PDZD9: variants seen among roughly 807,000 people sequenced by gnomAD.
PDZD9 encodes PDZ domain-containing protein 9.
A neutral mutation model predicts 16.3 loss-of-function variants in PDZD9; 13 were observed. The ratio of observed to expected loss-of-function variants is 0.80; its 90% confidence interval spans 0.52 to 1.27. The LOEUF is 1.27. Ranked by LOEUF, PDZD9 falls within the 50% of genes most tolerant of loss-of-function variation. The probability of loss-of-function intolerance (pLI) is 0.00; values close to 1 mark genes in which losing one functional copy is unlikely to be tolerated. For synonymous variants in PDZD9, 120 were observed against 111.0 expected (o/e 1.08, Z -0.51); for missense variants, 288 against 310.9 (o/e 0.93, Z 0.55).
At chr16:21,996,639 TA>T in intron 1 of PDZD9, 138 bp from the exon 2 acceptor site, 1 of 901,168 alleles carries the variant, frequency 1.1e-6, no homozygotes, top group Non-Finnish European at 1.6e-6. Context: ...AAAATGAGGA[TA>T]AAAATGTTCA....
chr16:21,962,732 C>T, the PDZD9 span: 1 of 1,613,632 alleles, frequency 6.2e-7, no homozygotes, highest in African/African-American at 1.3e-5. Context: ...ATTTTTGACT[C>T]ATAATTCTTA....
the PDZD9 span, among the ~76,000 whole-genome samples, chr16:21,958,753 T>TTTA: frequency 6.6e-6 from 1 of 152,192 alleles, no homozygotes; most frequent in African/African-American, 2.4e-5. Context: ...GTAAAACATC[T>TTTA]TTATGTCTTA....
intron 2 of PDZD9, among the ~76,000 whole-genome samples, chr16:21,991,431 G>T (rs2141958729): frequency 6.6e-6 from 1 of 152,154 alleles, no homozygotes; most frequent in South Asian, 2.1e-4. Context: ...TTGAAATGGG[G>T]TTTTGTCATG....
At chr16:21,974,303 A>G in the PDZD9 span, among the ~76,000 whole-genome samples, 1 of 152,018 alleles carries the variant, frequency 6.6e-6, no homozygotes, top group Non-Finnish European at 1.5e-5. Flanking sequence ...CAGTGTAGAG[A>G]TTGTGTTGAA....
chr16:21,969,031 A>G, the PDZD9 span, among the ~76,000 whole-genome samples: 1 of 152,188 alleles, frequency 6.6e-6, no homozygotes, highest in African/African-American at 2.4e-5. Context: ...CATGGGAGAA[A>G]TATGTTTGTA....
intron 3 of PDZD9, among the ~76,000 whole-genome samples, chr16:21,988,198 C>T (rs754030963): frequency 4.0e-5 from 6 of 151,752 alleles, no homozygotes; most frequent in South Asian, 2.1e-4. Flanking sequence ...CTAGTAGAGA[C>T]GGGGTTTCAC....
chr16:21,976,324 C>A, the PDZD9 span: 1 of 1,227,618 alleles, frequency 8.1e-7, no homozygotes, highest in Non-Finnish European at 1.2e-6. Context: ...ATATTACAAT[C>A]TATGCTCATA....
At chr16:21,991,042 T>G (rs192829449) in intron 2 of PDZD9, among the ~76,000 whole-genome samples, 1 of 147,448 alleles carries the variant, frequency 6.8e-6, no homozygotes, top group East Asian at 1.9e-4. Flanking sequence ...TACTGAAAAA[T>G]ATTTTATCTT....
downstream of PDZD9, among the ~76,000 whole-genome samples, chr16:21,978,970 A>G (rs976506705): frequency 1.3e-5 from 2 of 152,230 alleles, no homozygotes; most frequent in African/African-American, 4.8e-5. Context: ...AAACCTGCCA[A>G]AACTCACAGG....
chr16:21,988,025 T>C (rs1379313586), intron 3 of PDZD9, among the ~76,000 whole-genome samples: 22 of 150,114 alleles, frequency 1.5e-4, no homozygotes, highest in African/African-American at 5.2e-4. Flanking sequence ...TTTTTTTTTT[T>C]TGAGACAAAG....
chr16:21,976,088 C>A, the PDZD9 span: 1 of 934,050 alleles, frequency 1.1e-6, no homozygotes, highest in South Asian at 1.4e-5. Flanking sequence ...TGTGTTTTTG[C>A]CTCAGTAAAG....
At chr16:21,983,145 C>T (rs1898776644), downstream of PDZD9, 2 of 1,614,080 alleles carry the variant, frequency 1.2e-6, no homozygotes, top group East Asian at 2.2e-5. Context: ...AAATTTGGGA[C>T]ATACACCTTT....
intron 1 of PDZD9, among the ~76,000 whole-genome samples, chr16:21,999,982 A>G (rs1899250493): frequency 1.3e-5 from 2 of 152,300 alleles, no homozygotes; most frequent in South Asian, 2.1e-4. Flanking sequence ...CGGGGGTTGC[A>G]GTAAGCCAAG....
chr16:21,989,071 G>C (rs1187654996), intron 2 of PDZD9, among the ~76,000 whole-genome samples: 1 of 151,742 alleles, frequency 6.6e-6, no homozygotes, highest in African/African-American at 2.4e-5. Context: ...TAGGATTATG[G>C]GCATGTGCCA....
At chr16:21,993,079 C>T (rs770562589) in intron 2 of PDZD9, among the ~76,000 whole-genome samples, 1 of 152,122 alleles carries the variant, frequency 6.6e-6, no homozygotes, top group Non-Finnish European at 1.5e-5. Flanking sequence ...CCACCCCAGC[C>T]GTACGGAACT....
the PDZD9 span, chr16:21,971,837 A>C: frequency 1.4e-3 from 2,155 of 1,578,654 alleles, 6 homozygotes; most frequent in South Asian, 4.2e-3. Flanking sequence ...TCGTGGGTTA[A>C]TACTGTGTTG....
chr16:22,000,115 G>A (rs993590406), intron 1 of PDZD9, among the ~76,000 whole-genome samples: 4 of 152,140 alleles, frequency 2.6e-5, no homozygotes, highest in African/African-American at 9.7e-5. Flanking sequence ...GATGCAGGAG[G>A]ATTGCTTGAG....
chr16:21,998,474 G>A (rs1332733952), intron 1 of PDZD9: 1 of 152,370 alleles, frequency 6.6e-6, no homozygotes, highest in Non-Finnish European at 1.5e-5. Flanking sequence ...AAGGCGGGTA[G>A]ATCACGAGAT....
downstream of PDZD9, chr16:21,983,108 T>C (rs1254240031): frequency 6.2e-7 from 1 of 1,613,940 alleles, no homozygotes; most frequent in Non-Finnish European, 8.5e-7. Flanking sequence ...AGTTTGTTTC[T>C]GGCCAGAAGT....
Sources: allele counts gnomAD v4.1 joint callset (sites outside exome capture counted in the v4.1 genomes callset), GRCh38; gene constraint gnomAD v4.1.1; transcripts MANE v1.5; gene names NCBI Gene and HGNC (gene_info 2026-07-23, HGNC 2026-07-21).